The following OXR1 variants were observed in gnomAD, a reference collection of about 807,000 sequenced individuals.
OXR1 encodes the protein oxidation resistance 1, also known as oxidation resistance protein 1.
In OXR1, 41 loss-of-function variants were observed where a neutral mutation model predicts 104.6. That is an observed-to-expected ratio of 0.39 (90% CI 0.31 to 0.51). The LOEUF (loss-of-function observed/expected upper bound fraction) is 0.51, where lower values mean the gene tolerates loss of function less well. Among genes scored for constraint, OXR1 ranks in the 20% least tolerant of loss-of-function variants. The probability of loss-of-function intolerance (pLI) is 0.77; values close to 1 mark genes in which losing one functional copy is unlikely to be tolerated. For synonymous variants in OXR1, 348 were observed against 348.4 expected, an observed-to-expected ratio of 1.00 and a Z score of 0.01; for missense variants, 955 against 1,031.9, an observed-to-expected ratio of 0.93 and a Z score of 1.02.
intron 2 of OXR1, among the ~76,000 whole-genome samples, chr8:106,381,691 A>G (rs1463013038): frequency 6.6e-6 from 1 of 152,060 alleles, no homozygotes; most frequent in Non-Finnish European, 1.5e-5. Context: ...TATTTATCTA[A>G]ATTTTCTATC....
chr8:106,429,774 C>A (rs183180338), intron 2 of OXR1, among the ~76,000 whole-genome samples: 1 of 149,802 alleles, frequency 6.7e-6, no homozygotes, highest in Non-Finnish European at 1.5e-5. Flanking sequence ...TTTTTTTCCT[C>A]TTTCCACCAG....
chr8:106,375,876 C>T (rs1207110247), intron 2 of OXR1, among the ~76,000 whole-genome samples: 2 of 152,180 alleles, frequency 1.3e-5, no homozygotes, highest in African/African-American at 4.8e-5. Context: ...ACATGTGGTG[C>T]CTTAGCTCTG....
intron 3 of OXR1, among the ~76,000 whole-genome samples, chr8:106,659,717 C>G (rs1432275672): frequency 6.6e-6 from 1 of 152,150 alleles, no homozygotes; most frequent in Admixed American, 6.5e-5. Context: ...CTGATTCATT[C>G]GGTGGCCCGT....
At chr8:106,516,956 G>A (rs930503529) in intron 2 of OXR1, among the ~76,000 whole-genome samples, 1 of 152,066 alleles carries the variant, frequency 6.6e-6, no homozygotes, top group African/African-American at 2.4e-5. Flanking sequence ...GTTACTATCT[G>A]TGGTTTCAAG....
At chr8:106,480,449 T>C (rs1822045358) in intron 2 of OXR1, among the ~76,000 whole-genome samples, 1 of 152,064 alleles carries the variant, frequency 6.6e-6, no homozygotes, top group Non-Finnish European at 1.5e-5. Flanking sequence ...TTCTCCTTTT[T>C]TTCCTTAAAA....
chr8:106,589,533 C>T (rs989894501), intron 3 of OXR1, among the ~76,000 whole-genome samples: 3 of 152,088 alleles, frequency 2.0e-5, no homozygotes, highest in Non-Finnish European at 4.4e-5. Flanking sequence ...CATTTACCAA[C>T]AGTAAACCCT....
In OXR1 at chr8:106,423,300, T is replaced by A. The variant is rs151036126; in HGVS notation, c.23+63664T>A. 7.1e-4 allele frequency among the ~76,000 whole-genome samples: 108 copies of A among 152,298 alleles called. No homozygotes were observed. In the East Asian group the frequency reaches 0.012, roughly 17 times the overall value. ...TCCAAAGTGCACACGATGGATACCC[T>A]CAGATGAAATATTTGTTCGAAAATG... On this transcript the variant is annotated intron_variant, in intron 2 of 16. Coordinates refer to ENST00000517566, the MANE Select transcript of OXR1 (RefSeq NM_001198533.2).
chr8:106,735,844 T>C (rs1834319715), intron 11 of OXR1, among the ~76,000 whole-genome samples: 1 of 152,102 alleles, frequency 6.6e-6, no homozygotes, highest in Non-Finnish European at 1.5e-5. Flanking sequence ...AATATAAAAA[T>C]TAAATTCAGA....
chr8:106,692,095 A>T (rs1185504254), intron 6 of OXR1, among the ~76,000 whole-genome samples: 1 of 151,882 alleles, frequency 6.6e-6, no homozygotes, highest in East Asian at 1.9e-4. Context: ...GTTTTTCCTT[A>T]TAATTCTCTA....
chr8:106,658,152 C>T (rs1287017732), intron 3 of OXR1: 5 of 1,245,042 alleles, frequency 4.0e-6, no homozygotes, highest in East Asian at 6.3e-5. Flanking sequence ...CCCGCCCCAC[C>T]GGCCCCCGGC....
Position 106,353,311 on chromosome 8 carries a change from T to C in OXR1, c.-138-6165T>C, listed in dbSNP as rs1007210570. On this transcript the variant is annotated intron_variant, in intron 1 of 16. Coordinates refer to ENST00000517566, the MANE Select transcript of OXR1 (RefSeq NM_001198533.2). Reference sequence around the variant, plus strand: ...TTGCAGTGAGTCGAGATCACGCCACTGTACTCCAGCCTGGGCGACTCCAGC... The same window carrying C: ...TTGCAGTGAGTCGAGATCACGCCACCGTACTCCAGCCTGGGCGACTCCAGC... 5.3e-5 allele frequency among the ~76,000 whole-genome samples: 8 copies of C among 152,062 alleles called. No homozygotes were observed. The South Asian group carries it at 6.2e-4, about 12-fold the overall frequency.
At chr8:106,606,752 C>T (rs1019252664) in intron 3 of OXR1, among the ~76,000 whole-genome samples, 1 of 152,046 alleles carries the variant, frequency 6.6e-6, no homozygotes, top group African/African-American at 2.4e-5. Flanking sequence ...CATCTGCGTC[C>T]TTAATTTCTC....
chr8:106,586,985 T>C (rs187932779), intron 3 of OXR1, among the ~76,000 whole-genome samples: 3 of 152,278 alleles, frequency 2.0e-5, no homozygotes, highest in Admixed American at 6.5e-5. Context: ...ATTTTTGCTG[T>C]AAAGAGAAGC....
chr8:106,394,011 A>C (rs1817682051), intron 2 of OXR1, among the ~76,000 whole-genome samples: 1 of 152,080 alleles, frequency 6.6e-6, no homozygotes, highest in African/African-American at 2.4e-5. Context: ...CACAAATTTT[A>C]GGGAAATAGT....
At chr8:106,457,398 T>G (rs141544938) in intron 2 of OXR1, among the ~76,000 whole-genome samples, 4 of 152,280 alleles carry the variant, frequency 2.6e-5, no homozygotes, top group African/African-American at 9.6e-5. Context: ...CTTTGAGAAA[T>G]AAATGTATTT....
intron 2 of OXR1, among the ~76,000 whole-genome samples, chr8:106,454,165 A>G (rs1275141580): frequency 1.3e-5 from 2 of 151,790 alleles, no homozygotes; most frequent in African/African-American, 4.9e-5. Context: ...GTGTTTTTCC[A>G]CACAGTATTC....
chr8:106,607,478 G>A (rs183706055), intron 3 of OXR1, among the ~76,000 whole-genome samples: 297 of 152,270 alleles, frequency 2.0e-3, no homozygotes, highest in African/African-American at 6.7e-3. Context: ...TATTATCCAA[G>A]TTCAAGGATT....
intron 2 of OXR1, among the ~76,000 whole-genome samples, chr8:106,409,495 T>C (rs535808392): frequency 1.8e-4 from 28 of 152,210 alleles, no homozygotes; most frequent in African/African-American, 6.0e-4. Flanking sequence ...TTAACAATTA[T>C]CATATACAAG....
intron 16 of OXR1, among the ~76,000 whole-genome samples, chr8:106,749,199 C>T (rs1219285494): frequency 2.0e-5 from 3 of 151,686 alleles, no homozygotes; most frequent in East Asian, 3.9e-4. Context: ...AAAAATTAGC[C>T]GGGCGTGGTG....
Sources: allele counts gnomAD v4.1 joint callset (sites outside exome capture counted in the v4.1 genomes callset), GRCh38; gene constraint gnomAD v4.1.1; transcripts MANE v1.5; gene names NCBI Gene and HGNC (gene_info 2026-07-23, HGNC 2026-07-21).